The following HSPBAP1 variants were observed in gnomAD, a reference collection of about 807,000 sequenced individuals.
HSPBAP1 encodes the protein HSPB1 associated protein 1.
HSPBAP1 carries 27 observed loss-of-function variants against 45.2 expected under a neutral mutation model. The observed-to-expected ratio is 0.60, with a 90% CI of 0.44 to 0.82. The LOEUF is 0.82. Among genes scored for constraint, HSPBAP1 ranks in the 40% least tolerant of loss-of-function variants. HSPBAP1 has a pLI of 0.00. For synonymous variants in HSPBAP1, 204 were observed against 202.7 expected, an observed-to-expected ratio of 1.01 and a Z score of -0.06; for missense variants, 510 against 590.9, an observed-to-expected ratio of 0.86 and a Z score of 1.42.
intron 3 of HSPBAP1, among the ~76,000 whole-genome samples, chr3:122,766,579 A>G (rs1425638803): frequency 6.6e-6 from 1 of 152,242 alleles, no homozygotes; most frequent in Admixed American, 6.5e-5. Context: ...CACATACTGC[A>G]CAGTACTGCC....
chr3:122,746,887 G>A (rs533700566), intron 6 of HSPBAP1, among the ~76,000 whole-genome samples: 32 of 152,146 alleles, frequency 2.1e-4, no homozygotes, highest in South Asian at 4.2e-4. Flanking sequence ...GCTCCTAACC[G>A]CGAGTGATCT....
At chr3:122,784,499 C>T (rs1437065863) in intron 1 of HSPBAP1, among the ~76,000 whole-genome samples, 1 of 152,154 alleles carries the variant, frequency 6.6e-6, no homozygotes, top group Non-Finnish European at 1.5e-5. Context: ...CCATAGTATA[C>T]TATATCCACT....
intron 1 of HSPBAP1, among the ~76,000 whole-genome samples, chr3:122,790,159 G>T (rs990228201): frequency 3.9e-5 from 6 of 152,132 alleles, no homozygotes; most frequent in African/African-American, 1.4e-4. Context: ...AGCATGCCTG[G>T]ATGCTTCTTC....
chr3:122,781,223 T>C (rs1171028004), intron 1 of HSPBAP1, among the ~76,000 whole-genome samples: 5 of 151,492 alleles, frequency 3.3e-5, no homozygotes, highest in East Asian at 2.0e-4. Flanking sequence ...GTGGAGGTTG[T>C]AGCGAGCCGA....
Position 122,780,730 on chromosome 3 carries a change from C to T in HSPBAP1, c.65-2824G>A, listed in dbSNP as rs1209210612. The stretch of plus-strand genomic sequence containing the variant: ...CTCACTTCCCAGACGGGGTGGCTGC[C>T]GGGCGGAGGGGCTCCTCACTTCTCA... On this transcript the variant is annotated intron_variant, in intron 1 of 7. Coordinates refer to ENST00000306103, the MANE Select transcript of HSPBAP1 (RefSeq NM_024610.6). Among the ~76,000 whole-genome samples the T allele has an allele frequency of 8.0e-5, 12 of 149,876 alleles. No individual in the cohort carries two copies. The East Asian group carries it at 2.0e-3, about 25-fold the overall frequency.
Position 122,740,384 on chromosome 3 carries a change from C to T in HSPBAP1, c.1428G>A (p.Arg476=). 3 of 1,613,218 alleles carry T rather than the reference C, an allele frequency of 1.9e-6. No homozygotes were observed. In the South Asian group the frequency reaches 3.3e-5, roughly 18 times the overall value. The change falls in exon 8 of 8, where the codon AGG becomes AGA. Residue 476 remains arginine, a synonymous_variant. Transcript: ENST00000306103. ...LDCLVNPQVT[R]IVAQLLIQGR... ...CTTGTATCAAAAGTTGTGCCACTAT[C>T]CTGGTTACTTGTGGATTCACCAAGC...
At position 122,768,899 on chromosome 3, in the gene HSPBAP1, T is replaced by G; in HGVS notation, c.251-17A>C. On this transcript the variant is annotated splice_polypyrimidine_tract_variant and intron_variant, in intron 2 of 7. Coordinates refer to ENST00000306103, the MANE Select transcript of HSPBAP1 (RefSeq NM_024610.6). ...ACTGAGGAACTGCAATGTAAGAGAA[T>G]GCAACCTTAAATGTATAATGAACAC... The G allele has an allele frequency of 6.5e-7, 1 of 1,530,890 alleles. No homozygotes were observed. Among genetic ancestry groups the G allele is most frequent in the Non-Finnish European group, 9.0e-7 (1 of 1,110,272 alleles). The allele number at this position is 1,530,890 out of a possible 1,614,324, so 94.8% of individuals were successfully genotyped here.
At chr3:122,743,268 C>T (rs1443406141) in intron 6 of HSPBAP1, among the ~76,000 whole-genome samples, 3 of 152,142 alleles carry the variant, frequency 2.0e-5, no homozygotes, top group Non-Finnish European at 2.9e-5. Context: ...TGTAAACATT[C>T]GTGTAGAAGT....
intron 6 of HSPBAP1, among the ~76,000 whole-genome samples, chr3:122,747,583 G>T (rs1933938732): frequency 6.8e-6 from 1 of 146,722 alleles, no homozygotes; most frequent in African/African-American, 2.5e-5. Flanking sequence ...GGAGGGAGGT[G>T]GGGGGTCAGC....
At chr3:122,762,072 A>G (rs1189114135) in intron 3 of HSPBAP1, 1 of 152,126 alleles carries the variant, frequency 6.6e-6, no homozygotes, top group Non-Finnish European at 1.5e-5. Flanking sequence ...ATCTATTCTC[A>G]GCAAGTTCTA....
rs1437134512 is a variant in HSPBAP1, at chr3:122,780,294, C to G, written c.65-2388G>C. Among the ~76,000 whole-genome samples, 220 of 100,904 alleles carry G rather than the reference C, an allele frequency of 2.2e-3. 5 individuals carry two copies. The highest frequency in any genetic ancestry group is 7.3e-3 in the African/African-American group (186 of 25,612). 66.2% of individuals were successfully genotyped at this position (100,904 alleles called of 152,430 possible). ...TGGCCGGGCGGGGGGCTGACCCCCC[C>G]ACCTCCCTCCCGGACGGGGCGGCTG... On this transcript the variant is annotated intron_variant, in intron 1 of 7. Transcript: ENST00000306103.
In HSPBAP1 at chr3:122,740,464, A is replaced by C; in HGVS notation, c.1348T>G (p.Ser450Ala). 1 of 1,614,046 alleles carries C rather than the reference A, an allele frequency of 6.2e-7. No homozygotes were observed. The highest frequency in any genetic ancestry group is 8.5e-7 in the Non-Finnish European group (1 of 1,179,902). Residue 450 changes from serine (S) to alanine (A), a missense_variant, in exon 8 of 8, where the codon TCA becomes GCA. Physicochemically the swap from Ser to Ala is moderately conservative, Grantham distance 99 (BLOSUM62 1). Coordinates refer to ENST00000306103, the MANE Select transcript of HSPBAP1 (RefSeq NM_024610.6). ...SENAIEEQIA[S>A]NTTTTPQTFI... ...GTTTGAGGAGTCGTAGTAGTATTTGAGGCAATCTGTTCCTCAATTGCATTT... is the reference window on the plus strand; with the variant it reads ...GTTTGAGGAGTCGTAGTAGTATTTGCGGCAATCTGTTCCTCAATTGCATTT...
At chr3:122,751,809 C>T (rs1308185473) in intron 6 of HSPBAP1, among the ~76,000 whole-genome samples, 3 of 152,228 alleles carry the variant, frequency 2.0e-5, no homozygotes, top group Non-Finnish European at 4.4e-5. Flanking sequence ...ACTAAGCCCA[C>T]ACAACATAGC....
At position 122,777,828 on chromosome 3, in the gene HSPBAP1, T is replaced by C. The variant is rs992024501; in HGVS notation, c.143A>G (p.Asn48Ser). 4 of 1,613,778 alleles carry C rather than the reference T, an allele frequency of 2.5e-6. No homozygotes were observed. In the African/African-American group the frequency reaches 5.3e-5, roughly 22 times the overall value. ...MSLQQPAIFC[N>S]MVFDWPARHW... ...TCGTGCTGGCCAATCAAACACCATG[T>C]TACAGAAGATTGCAGGTTGTTGTAA... The change falls in exon 2 of 8, where the codon AAC (asparagine) becomes AGC (serine). Residue 48 changes from asparagine (N) to serine (S), a missense_variant. Asn to Ser is a conservative substitution (Grantham distance 46). Coordinates refer to ENST00000306103, the MANE Select transcript of HSPBAP1 (RefSeq NM_024610.6).
At chr3:122,779,034 C>CTTTTTTTT (rs201429620) in intron 1 of HSPBAP1, among the ~76,000 whole-genome samples, 1 of 147,750 alleles carries the variant, frequency 6.8e-6, no homozygotes, top group African/African-American at 2.5e-5. Context: ...CATTTTCTTT[C>CTTTTTTTT]TTTTTCTTTT....
At chr3:122,752,241 A>T (rs1051656901) in intron 6 of HSPBAP1, among the ~76,000 whole-genome samples, 1 of 152,184 alleles carries the variant, frequency 6.6e-6, no homozygotes, top group Non-Finnish European at 1.5e-5. Context: ...TCCAGCCCAG[A>T]TGGTGTGAAA....
intron 1 of HSPBAP1, among the ~76,000 whole-genome samples, chr3:122,786,832 A>C (rs1019325058): frequency 6.6e-6 from 1 of 152,222 alleles, no homozygotes; most frequent in Non-Finnish European, 1.5e-5. Context: ...GAAATAAAAC[A>C]ATCAGCTGGT....
intron 6 of HSPBAP1, among the ~76,000 whole-genome samples, chr3:122,743,367 C>T (rs1184100759): frequency 3.3e-5 from 5 of 152,026 alleles, no homozygotes; most frequent in African/African-American, 9.7e-5. Context: ...GTCAGGAGTT[C>T]GAGACCAGCT....
At chr3:122,761,053 C>T (rs1934565471) in intron 3 of HSPBAP1, among the ~76,000 whole-genome samples, 2 of 152,134 alleles carry the variant, frequency 1.3e-5, no homozygotes, top group Admixed American at 1.3e-4. Flanking sequence ...AGCAGGAGGG[C>T]CCTGCACCCA....
Sources: gnomAD v4.1 joint callset for allele counts (sites outside exome capture counted in the v4.1 genomes callset) on GRCh38, gnomAD v4.1.1 for gene constraint, MANE v1.5 for transcripts, NCBI Gene and HGNC (gene_info 2026-07-23, HGNC 2026-07-21) for gene names.